Variants in NCOA1 observed in about 807,000 individuals in gnomAD.
The protein encoded by NCOA1 is Hin-2 protein.
Under a neutral mutation model 150.9 loss-of-function variants are expected in NCOA1, and 35 were observed. That is an observed-to-expected ratio of 0.23 (90% confidence interval 0.18 to 0.31). The LOEUF is 0.31. Ranked by LOEUF, NCOA1 falls within the 10% of genes least tolerant of loss-of-function variation. The pLI is 1.00. For synonymous variants in NCOA1, 590 were observed against 630.0 expected (o/e 0.94, Z 0.95); for missense variants, 1,491 against 1,749.3 (o/e 0.85, Z 2.63).
At position 24,665,735 on chromosome 2, in the gene NCOA1, TCTTTGTGTAACAGCA is replaced by T; in HGVS notation, c.90-12_92del. Reference sequence around the variant, plus strand: ...ATACAAATGTACACTAACTGGATTTTCTTTGTGTAACAGCACGGAAAAGAGGCGCAGGGAGCAAGA... The same window carrying T: ...ATACAAATGTACACTAACTGGATTTTCGGAAAAGAGGCGCAGGGAGCAAGA... On this transcript the variant is annotated splice_acceptor_variant and splice_polypyrimidine_tract_variant and coding_sequence_variant and intron_variant, in exon 6 of 23. Transcript: ENST00000348332. LOFTEE classifies it high-confidence loss of function. 1 of 1,491,520 alleles carries T rather than the reference TCTTTGTGTAACAGCA, an allele frequency of 6.7e-7. No homozygotes were observed. Among genetic ancestry groups the T allele is most frequent in the Non-Finnish European group, 9.0e-7 (1 of 1,111,976 alleles). 92.4% of individuals were successfully genotyped at this position (1,491,520 alleles called of 1,614,324 possible).
chr2:24,551,384 A>C (rs1665823138), intron 1 of NCOA1, among the ~76,000 whole-genome samples: 2 of 152,132 alleles, frequency 1.3e-5, no homozygotes, highest in Admixed American at 1.3e-4. Flanking sequence ...TTGTTTTGCA[A>C]ATATTTTCTC....
chr2:24,639,912 GTGTGTATA>G lies in NCOA1; in HGVS notation c.-174-4052_-174-4045del, dbSNP rs1298315314. ...CAAAAAAAAAAAAAAAAGTATGTGT[GTGTGTATA>G]TATATATATATATATATATATATAT... On this transcript the variant is annotated intron_variant, in intron 3 of 22. Transcript: ENST00000348332. Among the ~76,000 whole-genome samples, 485 of 95,910 alleles carry G rather than the reference GTGTGTATA, an allele frequency of 5.1e-3. 42 individuals carry two copies. The highest frequency in any genetic ancestry group is 9.3e-3 in the African/African-American group (186 of 19,948). The allele number at this position is 95,910 out of a possible 152,430, so 62.9% of individuals were successfully genotyped here. A position where few individuals can be genotyped will look rare whatever the true frequency, so the allele number is the denominator to read the frequency against.
chr2:24,629,768 T>A (rs1314002065), intron 3 of NCOA1, among the ~76,000 whole-genome samples: 1 of 145,632 alleles, frequency 6.9e-6, no homozygotes, highest in Non-Finnish European at 1.5e-5. Context: ...AATCAAACAC[T>A]TTCATGTTGT....
At chr2:24,529,235 A>G (rs900908183) in intron 1 of NCOA1, among the ~76,000 whole-genome samples, 8 of 152,228 alleles carry the variant, frequency 5.3e-5, no homozygotes, top group African/African-American at 1.7e-4. Flanking sequence ...AAAATATTTA[A>G]CAGGGTAACC....
intron 4 of NCOA1, among the ~76,000 whole-genome samples, chr2:24,645,879 A>C (rs1050400680): frequency 6.6e-6 from 1 of 152,220 alleles, no homozygotes; most frequent in Admixed American, 6.5e-5. Context: ...TTCTGATTAA[A>C]AAAGAAAGTT....
intron 4 of NCOA1, among the ~76,000 whole-genome samples, chr2:24,650,834 C>G (rs543446878): frequency 6.6e-6 from 1 of 151,974 alleles, no homozygotes; most frequent in Non-Finnish European, 1.5e-5. Flanking sequence ...TTTGGGGGAC[C>G]AGGATTGTTT....
At chr2:24,634,452 G>A (rs930886357) in intron 3 of NCOA1, among the ~76,000 whole-genome samples, 34 of 152,074 alleles carry the variant, frequency 2.2e-4, no homozygotes, top group Non-Finnish European at 2.4e-4. Flanking sequence ...CTATGTGTTA[G>A]GTACATTATA....
chr2:24,590,123 TA>T (rs2148331944), intron 3 of NCOA1, among the ~76,000 whole-genome samples: 1 of 152,336 alleles, frequency 6.6e-6, no homozygotes, highest in East Asian at 1.9e-4. Context: ...ACTTTTATCT[TA>T]GTGTAAAATT....
rs1173595712 is a variant in NCOA1 at position 24,693,261 on chromosome 2, C to T, written c.722C>T (p.Ser241Leu). ...GTCTTGTTTTGGGCAGATTTCCAGT[C>T]ATGTCTGATTTGTATTGCACGGCGA... Reference protein sequence around the residue: ...SIQEDGEDFQSCLICIARRLP... With the variant: ...SIQEDGEDFQLCLICIARRLP... Residue 241 changes from serine (S) to leucine (L), a missense_variant, in exon 10 of 23, where the codon TCA (serine) becomes TTA (leucine). Ser to Leu is a moderately radical substitution (Grantham distance 145). Coordinates refer to ENST00000348332, the MANE Select transcript of NCOA1 (RefSeq NM_003743.5). The T allele has an allele frequency of 1.9e-6, 3 of 1,614,104 alleles. No individual in the cohort carries two copies. The highest frequency in any genetic ancestry group is 1.1e-5 in the South Asian group (1 of 91,070).
intron 7 of NCOA1, among the ~76,000 whole-genome samples, chr2:24,682,395 C>T (rs752987404): frequency 6.6e-6 from 1 of 152,110 alleles, no homozygotes; most frequent in African/African-American, 2.4e-5. Flanking sequence ...TTTTAGATTA[C>T]AATATACATA....
At chr2:24,547,994 A>AG (rs1487633401) in intron 1 of NCOA1, among the ~76,000 whole-genome samples, 4 of 151,396 alleles carry the variant, frequency 2.6e-5, no homozygotes, top group African/African-American at 9.7e-5. Flanking sequence ...GTCTCAAAAA[A>AG]AAAAAAAAAA....
intron 14 of NCOA1, among the ~76,000 whole-genome samples, chr2:24,721,850 T>G (rs1338430522): frequency 2.0e-5 from 3 of 152,226 alleles, no homozygotes; most frequent in Non-Finnish European, 4.4e-5. Flanking sequence ...TTAGTTTAGT[T>G]GAAGTTTCAC....
At chr2:24,537,904 T>C (rs1665232944) in intron 1 of NCOA1, among the ~76,000 whole-genome samples, 1 of 152,214 alleles carries the variant, frequency 6.6e-6, no homozygotes, top group African/African-American at 2.4e-5. Context: ...CTGTTTTGAT[T>C]GCAATTCTGT....
intron 8 of NCOA1, 60 bp from the exon 9 acceptor site, chr2:24,691,420 TC>T: frequency 1.3e-6 from 2 of 1,489,440 alleles, no homozygotes; most frequent in East Asian, 2.3e-5. Context: ...ATCTTTTGTA[TC>T]TTCAGAGTTT....
intron 4 of NCOA1, among the ~76,000 whole-genome samples, chr2:24,646,498 G>A (rs1339647274): frequency 6.6e-6 from 1 of 152,050 alleles, no homozygotes; most frequent in Non-Finnish European, 1.5e-5. Flanking sequence ...TGTCACATTT[G>A]TTTGGTTTCC....
intron 3 of NCOA1, among the ~76,000 whole-genome samples, chr2:24,603,752 A>G (rs1454051389): frequency 2.0e-5 from 3 of 152,218 alleles, no homozygotes; most frequent in South Asian, 2.1e-4. Context: ...TCTTGAACTC[A>G]TAAAAGTCAT....
At chr2:24,652,471 G>A (rs1376847770) in intron 4 of NCOA1, among the ~76,000 whole-genome samples, 2 of 151,870 alleles carry the variant, frequency 1.3e-5, no homozygotes, top group Admixed American at 1.3e-4. Flanking sequence ...ATGCTTCTTC[G>A]TGCTAACTGC....
chr2:24,613,476 T>G (rs1232214794), intron 3 of NCOA1, among the ~76,000 whole-genome samples: 1 of 152,144 alleles, frequency 6.6e-6, no homozygotes, highest in Non-Finnish European at 1.5e-5. Context: ...GAGAAGCCAA[T>G]GGGCAGCCAC....
chr2:24,698,147 A>G (rs921181079), intron 11 of NCOA1, among the ~76,000 whole-genome samples: 2 of 152,200 alleles, frequency 1.3e-5, no homozygotes, highest in Non-Finnish European at 2.9e-5. Context: ...CTTATAATAC[A>G]GTAGGAAAAT....
Sources: allele counts gnomAD v4.1 joint callset (sites outside exome capture counted in the v4.1 genomes callset), GRCh38; gene constraint gnomAD v4.1.1; transcripts MANE v1.5; gene names NCBI Gene and HGNC (gene_info 2026-07-23, HGNC 2026-07-21).